The following HECTD4 variants were observed in gnomAD, a reference collection of about 807,000 sequenced individuals.
HECTD4 encodes HECT domain E3 ubiquitin protein ligase 4.
In HECTD4, 114 loss-of-function variants were observed where a neutral mutation model predicts 471.5. The observed-to-expected ratio is 0.24, with a 90% confidence interval of 0.21 to 0.28. HECTD4 has a LOEUF of 0.28. Among genes scored for constraint, HECTD4 ranks in the 10% least tolerant of loss-of-function variants. HECTD4 has a pLI of 1.00. For missense variants in HECTD4, 3,866 were observed against 5,651.5 expected (o/e 0.68, Z 10.13); for synonymous variants, 2,012 against 2,256.0 (o/e 0.89, Z 3.07).
chr12:112,185,705 G>A (rs2031837073), intron 60 of HECTD4, among the ~76,000 whole-genome samples: 1 of 152,234 alleles, frequency 6.6e-6, no homozygotes, highest in African/African-American at 2.4e-5. Flanking sequence ...AAGATTCAGA[G>A]CTGACAGGTC....
chr12:112,290,585 C>A (rs1305356137), intron 7 of HECTD4, among the ~76,000 whole-genome samples: 1 of 151,740 alleles, frequency 6.6e-6, no homozygotes. Flanking sequence ...TGGTGGCTCA[C>A]GCCTGTAATC....
rs375139464 is a variant in HECTD4 at position 112,239,218 on chromosome 12, C to T, written c.5124G>A (p.Leu1708=). 44 of 1,611,686 alleles carry T rather than the reference C, an allele frequency of 2.7e-5. No individual in the cohort carries two copies. Among genetic ancestry groups the T allele is most frequent in the Non-Finnish European group, 3.7e-5 (44 of 1,178,978 alleles). The part of the protein sequence containing the change: ...IPYTRSEEKC[L]VRSGLVQLMD... ...TGAGCTGCACAAGGCCACTGCGTAC[C>T]AGGCACTTCTCTTCGCTCCTGACAA... The change falls in exon 34 of 76, where the codon CTG becomes CTA. Residue 1708 remains leucine, a synonymous_variant. Transcript: ENST00000682272. This position sits in a 1 kb window ranked among gnomAD's most constrained non-coding sequence, Gnocchi z 4.9.
chr12:112,334,146 T>G (rs1277070795), intron 1 of HECTD4, among the ~76,000 whole-genome samples: 1 of 151,012 alleles, frequency 6.6e-6, no homozygotes, highest in Non-Finnish European at 1.5e-5. Context: ...GAGGTGGAGG[T>G]TGCAGTGGGC....
At chr12:112,262,661 G>A (rs2034176775) in intron 17 of HECTD4, among the ~76,000 whole-genome samples, 1 of 151,092 alleles carries the variant, frequency 6.6e-6, no homozygotes, top group African/African-American at 2.4e-5. Context: ...TGTCACCCAG[G>A]CTGGAGTGCA....
At chr12:112,256,595 T>A in intron 20 of HECTD4, 77 bp from the exon 21 acceptor site, 1 of 1,039,542 alleles carries the variant, frequency 9.6e-7, no homozygotes, top group Non-Finnish European at 1.3e-6. Context: ...AATTGCTCTT[T>A]AATTTTCCAC....
chr12:112,281,769 C>T (rs2034645120), intron 8 of HECTD4, among the ~76,000 whole-genome samples: 2 of 152,048 alleles, frequency 1.3e-5, no homozygotes, highest in Admixed American at 6.6e-5. Flanking sequence ...CCTAGCATTT[C>T]CAACTATAAA....
intron 72 of HECTD4, among the ~76,000 whole-genome samples, chr12:112,164,814 G>A (rs1163099869): frequency 6.6e-6 from 1 of 151,168 alleles, no homozygotes; most frequent in East Asian, 1.9e-4. Flanking sequence ...TAGAGACTGG[G>A]TTTCACTATG....
chr12:112,306,291 C>G (rs2035270098), intron 6 of HECTD4, 57 bp from the exon 7 acceptor site: 2 of 1,308,580 alleles, frequency 1.5e-6, no homozygotes, highest in East Asian at 5.6e-5. Context: ...CTGATTAATC[C>G]TATCAGCTCA....
In HECTD4 at chr12:112,314,563, G is replaced by C; in HGVS notation, c.696-17C>G. On this transcript the variant is annotated splice_polypyrimidine_tract_variant and intron_variant, in intron 2 of 75. Transcript: ENST00000682272. ...AATGATCCCCTAAAAATAAAAGGAA[G>C]GAACAGTAAATCATCAAAATTTAAA... 7.5e-7 allele frequency: 1 copy of C among 1,326,194 alleles called. No homozygotes were observed. The highest frequency in any genetic ancestry group is 1.3e-5 in the South Asian group (1 of 78,690). 82.2% of individuals were successfully genotyped at this position (1,326,194 alleles called of 1,614,324 possible). A position where few individuals can be genotyped will look rare whatever the true frequency, so the allele number is the denominator to read the frequency against.
At chr12:112,196,784 G>GTC (rs374722536) in intron 55 of HECTD4, among the ~76,000 whole-genome samples, 90 of 151,780 alleles carry the variant, frequency 5.9e-4, no homozygotes, top group African/African-American at 1.2e-3. Flanking sequence ...TAGAGACACG[G>GTC]TCTCTCTCTC....
At chr12:112,346,758 G>A (rs1055972238) in intron 1 of HECTD4, among the ~76,000 whole-genome samples, 1 of 152,174 alleles carries the variant, frequency 6.6e-6, no homozygotes, top group African/African-American at 2.4e-5. Context: ...CTCAGTGGTG[G>A]GGAAAGGAGC....
Position 112,172,859 on chromosome 12 carries a change from C to A in HECTD4, c.11597G>T (p.Cys3866Phe). The part of the protein sequence containing the change: ...SCGYDLHFER[C>F]ACIDVRHAQK... ...TGCATGTCGGACATCGATGCATGCG[C>A]ACCTTGGGGTGGGGACAGGGGGAGA... The change falls in exon 67 of 76, where the codon TGC becomes TTC. Residue 3866 changes from cysteine (C) to phenylalanine (F), a missense_variant and splice_region_variant. By Grantham distance (205) the Cys-to-Phe change is radical (BLOSUM62 -2). Around this residue, in one of 16 missense-constraint regions of HECTD4, gnomAD observed 715 missense variants for 1,087.6 expected, o/e 0.66. Transcript: ENST00000682272. 1 of 1,613,808 alleles carries A rather than the reference C, an allele frequency of 6.2e-7. No individual in the cohort carries two copies. The highest frequency in any genetic ancestry group is 8.5e-7 in the Non-Finnish European group (1 of 1,179,796).
At chr12:112,252,960 G>C (rs1338632469) in intron 22 of HECTD4, among the ~76,000 whole-genome samples, 1 of 151,862 alleles carries the variant, frequency 6.6e-6, no homozygotes. Context: ...CAAGTGTGCA[G>C]AACCATGCCC....
intron 45 of HECTD4, 143 bp from the exon 46 acceptor site, chr12:112,217,338 C>CAT: frequency 1.1e-5 from 2 of 188,904 alleles, no homozygotes; most frequent in African/African-American, 5.2e-5. Flanking sequence ...CACACACATA[C>CAT]ACACACACAC....
Position 112,193,985 on chromosome 12 carries a change from C to A in HECTD4, c.8750-311G>T, listed in dbSNP as rs2032162109. Reference sequence around the variant, plus strand: ...ATGGGGCTGCTTGGATCCAGGGGTTCCCAGAGCCTGACCTGTCTGACTACT... The same window carrying A: ...ATGGGGCTGCTTGGATCCAGGGGTTACCAGAGCCTGACCTGTCTGACTACT... On this transcript the variant is annotated intron_variant, in intron 56 of 75. Coordinates refer to ENST00000682272, the MANE Select transcript of HECTD4 (RefSeq NM_001388303.1). This position sits in a 1 kb window ranked among gnomAD's most constrained non-coding sequence, Gnocchi z 5.2. Among the ~76,000 whole-genome samples, 1 of 152,192 alleles carries A rather than the reference C, an allele frequency of 6.6e-6. No homozygotes were observed. The highest frequency in any genetic ancestry group is 2.4e-5 in the African/African-American group (1 of 41,448).
At chr12:112,205,090 G>A (rs996080696) in intron 52 of HECTD4, among the ~76,000 whole-genome samples, 1 of 130,080 alleles carries the variant, frequency 7.7e-6, no homozygotes, top group Non-Finnish European at 1.6e-5. Flanking sequence ...CCAAGCTGGC[G>A]CCACTGCACT....
At position 112,269,708 on chromosome 12, in the gene HECTD4, T is replaced by C; in HGVS notation, c.2317A>G (p.Ile773Val). The change falls in exon 13 of 76, where the codon ATC becomes GTC. Residue 773 changes from isoleucine to valine, a missense_variant. Ile to Val is a conservative substitution (Grantham distance 29). Around this residue, in one of 16 missense-constraint regions of HECTD4, gnomAD observed 525 missense variants for 672.6 expected, o/e 0.78. Transcript: ENST00000682272. ...CAAAAATCATTAGCTGTTTACCTGA[T>C]GGCAAGGCAGACTTCCTTCTGAATT... ...PEIQKEVCLA[I>V]SSGLNILYPG... is the part of the protein sequence containing the mutation. 6.2e-7 allele frequency: 1 copy of C among 1,613,984 alleles called. No homozygotes were observed. The highest frequency in any genetic ancestry group is 8.5e-7 in the Non-Finnish European group (1 of 1,179,862).
At chr12:112,223,136 T>C (rs2135557465) in intron 44 of HECTD4, among the ~76,000 whole-genome samples, 1 of 152,300 alleles carries the variant, frequency 6.6e-6, no homozygotes, top group East Asian at 1.9e-4. Context: ...TAGCCTGCTG[T>C]CTGGGACCAC....
chr12:112,226,803 A>G, intron 43 of HECTD4, 45 bp from the exon 44 acceptor site: 3 of 1,420,496 alleles, frequency 2.1e-6, no homozygotes, highest in Admixed American at 1.9e-5. Context: ...ATCAGTGTTC[A>G]TTGTCTAAAA....
Sources: gnomAD v4.1 joint callset for allele counts (sites outside exome capture counted in the v4.1 genomes callset) on GRCh38, gnomAD v4.1.1 for gene constraint, gnomAD v4.1.1 regional missense constraint, Gnocchi (gnomAD v3.1) non-coding constraint, MANE v1.5 for transcripts, NCBI Gene and HGNC (gene_info 2026-07-23, HGNC 2026-07-21) for gene names.